Variants in OR4K14 observed in about 807,000 individuals in gnomAD.
OR4K14 encodes olfactory receptor 4K14.
For missense variants in OR4K14, 406 were observed against 373.6 expected, an observed-to-expected ratio of 1.09 and a Z score of -0.72; for synonymous variants, 153 against 141.5, an observed-to-expected ratio of 1.08 and a Z score of -0.58.
At position 20,019,215 on chromosome 14, in the gene OR4K14, G is replaced by A. The variant is rs1210263667; in HGVS notation, c.-102C>T. Reference sequence around the variant, plus strand: ...ATTTTACATCTATTATACTTGAATGGAGCTATTGAAAACACATATTTTATC... The same window carrying A: ...ATTTTACATCTATTATACTTGAATGAAGCTATTGAAAACACATATTTTATC... On this transcript the variant is annotated 5_prime_UTR_variant, in exon 1 of 2. Coordinates refer to ENST00000641793, the MANE Select transcript of OR4K14 (RefSeq NM_001004712.2). The A allele has an allele frequency of 6.6e-6, 1 of 152,022 alleles. No homozygotes were observed. Among genetic ancestry groups the A allele is most frequent in the African/African-American group, 2.4e-5 (1 of 41,424 alleles). 9.4% of individuals were successfully genotyped at this position (152,022 alleles called of 1,614,324 possible).
In OR4K14 at chr14:20,015,044, A is replaced by G. The variant is rs1282853373; in HGVS notation, c.150T>C (p.Ile50=). ...LGNLLILVTV[I]SDPCLHSSPM... is the part of the protein sequence containing the mutation. ...GGGAGGAGTGCAGGCAGGGATCAGA[A>G]ATTACAGTGACCAAAATGAGAAGGT... The change falls in exon 2 of 2, where the codon ATT becomes ATC. Residue 50 remains isoleucine, a synonymous_variant. Transcript: ENST00000641793. 6.2e-7 allele frequency: 1 copy of G among 1,613,992 alleles called. No individual in the cohort carries two copies. Among genetic ancestry groups the G allele is most frequent in the Non-Finnish European group, 8.5e-7 (1 of 1,180,008 alleles).
rs1205967188 is a variant in OR4K14, at chr14:20,015,090, T to C, written c.104A>G (p.Tyr35Cys). 1.9e-6 allele frequency: 3 copies of C among 1,613,744 alleles called. No homozygotes were observed. The highest frequency in any genetic ancestry group is 1.7e-6 in the Non-Finnish European group (2 of 1,179,756). The stretch of plus-strand genomic sequence containing the variant: ...AAGGTTACCCAGCATAATGGCCACA[T>C]AGACCCCAAAGAAAAATATAAAGAA... ...NFFFIFFFGV[Y>C]VAIMLGNLLI... The change falls in exon 2 of 2, where the codon TAT becomes TGT. Residue 35 changes from tyrosine (Y) to cysteine (C), a missense_variant. By Grantham distance (194) the Tyr-to-Cys change is radical (BLOSUM62 -2). Coordinates refer to ENST00000641793, the MANE Select transcript of OR4K14 (RefSeq NM_001004712.2).
intron 1 of OR4K14, among the ~76,000 whole-genome samples, chr14:20,016,582 T>C (rs1380830675): frequency 6.6e-6 from 1 of 152,190 alleles, no homozygotes; most frequent in African/African-American, 2.4e-5. Context: ...TGTTAATCTG[T>C]GCTATCAGGG....
At position 20,014,585 on chromosome 14, in the gene OR4K14, G is replaced by A. The variant is rs765277167; in HGVS notation, c.609C>T (p.Asp203=). The stretch of plus-strand genomic sequence containing the variant: ...AACAGCTCAAGGAAAGCAACCCACT[G>A]TCTGAGATCATAATTATACCCAAGA... ...TYVLGIIMIS[D]SGLLSLSCFL... Residue 203 remains aspartate, a synonymous_variant, in exon 2 of 2, where the codon GAC becomes GAT. Transcript: ENST00000641793. 6.2e-7 allele frequency: 1 copy of A among 1,614,056 alleles called. No individual in the cohort carries two copies. Among genetic ancestry groups the A allele is most frequent in the Admixed American group, 1.7e-5 (1 of 60,012 alleles).
chr14:20,018,917 A>C (rs1877152060), intron 1 of OR4K14, among the ~76,000 whole-genome samples: 1 of 152,050 alleles, frequency 6.6e-6, no homozygotes, highest in African/African-American at 2.4e-5. Context: ...AAGCAAATAA[A>C]TACTAAGTTT....
intron 1 of OR4K14, among the ~76,000 whole-genome samples, chr14:20,018,290 A>C (rs1877139196): frequency 6.6e-6 from 1 of 152,030 alleles, no homozygotes; most frequent in South Asian, 2.1e-4. Context: ...AAAATTCAAA[A>C]TTGCTTTGCT....
At chr14:20,016,706 A>C (rs1239000334) in intron 1 of OR4K14, among the ~76,000 whole-genome samples, 1 of 152,184 alleles carries the variant, frequency 6.6e-6, no homozygotes, top group Admixed American at 6.5e-5. Flanking sequence ...GACACGATTT[A>C]CTTACAGACT....
chr14:20,015,613 G>A lies in OR4K14; in HGVS notation c.-29-391C>T, dbSNP rs148999521. ...ATGTTTACATATATGAAAACATCAT[G>A]TTGTACATTATAAACATATATAATT... On this transcript the variant is annotated intron_variant, in intron 1 of 1. Transcript: ENST00000641793. Among the ~76,000 whole-genome samples, 358 of 152,120 alleles carry A rather than the reference G, an allele frequency of 2.4e-3. 3 individuals carry two copies. Among genetic ancestry groups the A allele is most frequent in the African/African-American group, 8.2e-3 (341 of 41,500 alleles).
At position 20,014,687 on chromosome 14, in the gene OR4K14, G is replaced by C. The variant is rs373073211; in HGVS notation, c.507C>G (p.Tyr169Ter). 1 of 1,614,118 alleles carries C rather than the reference G, an allele frequency of 6.2e-7. No homozygotes were observed. The change falls in exon 2 of 2, where the codon TAC becomes TAG. Residue 169 changes from tyrosine to a stop codon, truncating the protein, a stop_gained. Coordinates refer to ENST00000641793, the MANE Select transcript of OR4K14 (RefSeq NM_001004712.2). LOFTEE classifies it low-confidence loss of function (END_TRUNC). ...AGCTGTCTACCTCATTGGGGCCACA[G>C]TAAGGCAAATTTACAGTGAAAGCCA... ...SQVAFTVNLP[Y>*]CGPNEVDSFF...
Position 20,015,085 on chromosome 14 carries a change from C to T in OR4K14, c.109G>A (p.Ala37Thr). ...FFIFFFGVYVAIMLGNLLILV... is the reference protein window; with the variant it reads ...FFIFFFGVYVTIMLGNLLILV... ...ATGAGAAGGTTACCCAGCATAATGG[C>T]CACATAGACCCCAAAGAAAAATATA... Residue 37 changes from alanine to threonine, a missense_variant, in exon 2 of 2, where the codon GCC (alanine) becomes ACC (threonine). By Grantham distance (58) the Ala-to-Thr change is moderately conservative (BLOSUM62 0). Coordinates refer to ENST00000641793, the MANE Select transcript of OR4K14 (RefSeq NM_001004712.2). 6.2e-7 allele frequency: 1 copy of T among 1,613,486 alleles called. No homozygotes were observed. The highest frequency in any genetic ancestry group is 8.5e-7 in the Non-Finnish European group (1 of 1,179,548).
Position 20,014,241 on chromosome 14 carries a change from A to C in OR4K14, c.*20T>G, listed in dbSNP as rs1243660778. The C allele has an allele frequency of 6.7e-7, 1 of 1,490,016 alleles. No individual in the cohort carries two copies. The highest frequency in any genetic ancestry group is 9.1e-7 in the Non-Finnish European group (1 of 1,092,958). 92.3% of individuals were successfully genotyped at this position (1,490,016 alleles called of 1,614,324 possible). On this transcript the variant is annotated 3_prime_UTR_variant, in exon 2 of 2. Coordinates refer to ENST00000641793, the MANE Select transcript of OR4K14 (RefSeq NM_001004712.2). ...TCTGCTGAATGAATAGAAACATCTA[A>C]CACTATGGAAGGCTGGATTTCATTG...
At chr14:20,018,857 G>A (rs1365957243) in intron 1 of OR4K14, among the ~76,000 whole-genome samples, 2 of 151,834 alleles carry the variant, frequency 1.3e-5, no homozygotes, top group African/African-American at 4.8e-5. Context: ...AAATAATCTC[G>A]ATTAAAGTTC....
At chr14:20,018,588 G>C (rs1214082632) in intron 1 of OR4K14, among the ~76,000 whole-genome samples, 1 of 151,726 alleles carries the variant, frequency 6.6e-6, no homozygotes, top group Non-Finnish European at 1.5e-5. Flanking sequence ...AAACATAATT[G>C]TATTTAATAT....
chr14:20,017,290 C>G (rs1447660360), intron 1 of OR4K14, among the ~76,000 whole-genome samples: 1 of 151,996 alleles, frequency 6.6e-6, no homozygotes, highest in Non-Finnish European at 1.5e-5. Flanking sequence ...TTCATTTACT[C>G]ACTTACACAC....
In OR4K14 at chr14:20,014,242, C is replaced by A; in HGVS notation, c.*19G>T. On this transcript the variant is annotated 3_prime_UTR_variant, in exon 2 of 2. Coordinates refer to ENST00000641793, the MANE Select transcript of OR4K14 (RefSeq NM_001004712.2). The stretch of plus-strand genomic sequence containing the variant: ...CTGCTGAATGAATAGAAACATCTAA[C>A]ACTATGGAAGGCTGGATTTCATTGA... 1 of 1,495,662 alleles carries A rather than the reference C, an allele frequency of 6.7e-7. No individual in the cohort carries two copies. The highest frequency in any genetic ancestry group is 9.1e-7 in the Non-Finnish European group (1 of 1,097,944). The allele number at this position is 1,495,662 out of a possible 1,614,324, so 92.6% of individuals were successfully genotyped here. A position where few individuals can be genotyped will look rare whatever the true frequency, so the allele number is the denominator to read the frequency against.
chr14:20,015,219 T>C lies in OR4K14; in HGVS notation c.-26A>G. 2.1e-6 allele frequency: 3 copies of C among 1,454,120 alleles called. No homozygotes were observed. The highest frequency in any genetic ancestry group is 2.8e-6 in the Non-Finnish European group (3 of 1,068,600). 90.1% of individuals were successfully genotyped at this position (1,454,120 alleles called of 1,614,324 possible). The stretch of plus-strand genomic sequence containing the variant: ...TGCCTCAGGTTTCAGACTTTGTTTG[T>C]AATCTAAATAAAGAAAAAAATCCTG... On this transcript the variant is annotated 5_prime_UTR_variant, in exon 2 of 2. Coordinates refer to ENST00000641793, the MANE Select transcript of OR4K14 (RefSeq NM_001004712.2).
Position 20,015,220 on chromosome 14 carries a change from A to T in OR4K14, c.-27T>A. ...GCCTCAGGTTTCAGACTTTGTTTGT[A>T]ATCTAAATAAAGAAAAAAATCCTGT... On this transcript the variant is annotated splice_region_variant and 5_prime_UTR_variant, in exon 2 of 2. Transcript: ENST00000641793. The T allele has an allele frequency of 6.9e-7, 1 of 1,450,902 alleles. No individual in the cohort carries two copies. The allele number at this position is 1,450,902 out of a possible 1,614,324, so 89.9% of individuals were successfully genotyped here.
At chr14:20,015,957 G>A (rs901301966) in intron 1 of OR4K14, among the ~76,000 whole-genome samples, 4 of 149,846 alleles carry the variant, frequency 2.7e-5, no homozygotes, top group African/African-American at 7.4e-5. Flanking sequence ...TCAATCAAGT[G>A]CAGTAGGTGA....
In OR4K14 at chr14:20,014,394, G is replaced by C; in HGVS notation, c.800C>G (p.Ser267Cys). The change falls in exon 2 of 2, where the codon TCT (serine) becomes TGT (cysteine). Residue 267 changes from serine (S) to cysteine (C), a missense_variant. Transcript: ENST00000641793. Reference protein sequence around the residue: ...FVYVRPFSRFSVDKLLSVFYT... With the variant: ...FVYVRPFSRFCVDKLLSVFYT... ...AAACACAGACAGCAGCTTGTCCACAGAGAACCTACTGAAAGGCCGCACATA... is the reference window on the plus strand; with the variant it reads ...AAACACAGACAGCAGCTTGTCCACACAGAACCTACTGAAAGGCCGCACATA... The C allele has an allele frequency of 6.2e-7, 1 of 1,614,056 alleles. No individual in the cohort carries two copies. The highest frequency in any genetic ancestry group is 1.3e-5 in the African/African-American group (1 of 75,026).
Sources: gnomAD v4.1 joint callset for allele counts (sites outside exome capture counted in the v4.1 genomes callset) on GRCh38, gnomAD v4.1.1 for gene constraint, MANE v1.5 for transcripts, NCBI Gene and HGNC (gene_info 2026-07-23, HGNC 2026-07-21) for gene names.